GRIK1: variants seen among roughly 807,000 people sequenced by gnomAD.
The protein encoded by GRIK1 is glutamate ionotropic receptor kainate type subunit 1, also known as glutamate receptor ionotropic, kainate 1.
Under a neutral mutation model 105.7 loss-of-function variants are expected in GRIK1, and 69 were observed. The observed-to-expected ratio is 0.65, with a 90% CI of 0.54 to 0.80. The LOEUF (loss-of-function observed/expected upper bound fraction) is 0.80. Among genes scored for constraint, GRIK1 ranks in the 30% least tolerant of loss-of-function variants. GRIK1 has a pLI of 0.00. For synonymous variants in GRIK1, 438 were observed against 431.3 expected (o/e 1.02, Z -0.19); for missense variants, 1,109 against 1,167.3 (o/e 0.95, Z 0.73).
chr21:29,831,044 T>C (rs964964468), intron 1 of GRIK1, among the ~76,000 whole-genome samples: 7 of 152,128 alleles, frequency 4.6e-5, no homozygotes, highest in African/African-American at 7.2e-5. Context: ...ATGGTGAAAA[T>C]CTGCTCATTT....
intron 1 of GRIK1, among the ~76,000 whole-genome samples, chr21:29,715,440 C>A (rs1177760806): frequency 6.6e-6 from 1 of 151,866 alleles, no homozygotes; most frequent in Non-Finnish European, 1.5e-5. Flanking sequence ...TAAACTTGTG[C>A]CAAAATATTT....
At chr21:29,858,299 A>G (rs1265400053) in intron 1 of GRIK1, among the ~76,000 whole-genome samples, 1 of 152,168 alleles carries the variant, frequency 6.6e-6, no homozygotes, top group African/African-American at 2.4e-5. Flanking sequence ...CCACTCAGAG[A>G]AGGCTGGATT....
Position 29,596,587 on chromosome 21 carries a change from AAAAAT to A in GRIK1, c.1207-22_1207-18del, listed in dbSNP as rs1162112686. The A allele has an allele frequency of 6.3e-7, 1 of 1,591,150 alleles. No individual in the cohort carries two copies. On this transcript the variant is annotated intron_variant, in intron 8 of 17. Transcript: ENST00000327783. Reference sequence around the variant, plus strand: ...GCCAGCAGCCTTGGTTTTCAGAGAGAAAAATAAAATAAAAACAGCACTTAATTAAA... The same window carrying A: ...GCCAGCAGCCTTGGTTTTCAGAGAGAAAAATAAAAACAGCACTTAATTAAA...
At chr21:29,846,967 T>G (rs895778196) in intron 1 of GRIK1, among the ~76,000 whole-genome samples, 11 of 152,204 alleles carry the variant, frequency 7.2e-5, no homozygotes, top group Non-Finnish European at 1.3e-4. Flanking sequence ...TTCATATATA[T>G]TTGAGTAACA....
intron 1 of GRIK1, among the ~76,000 whole-genome samples, chr21:29,694,875 T>C (rs931961962): frequency 6.6e-6 from 1 of 152,228 alleles, no homozygotes; most frequent in Admixed American, 6.5e-5. Context: ...AAAATGTCCT[T>C]TTTTGTGCTT....
At chr21:29,759,236 G>A (rs1037124208) in intron 1 of GRIK1, among the ~76,000 whole-genome samples, 1 of 151,328 alleles carries the variant, frequency 6.6e-6, no homozygotes, top group African/African-American at 2.4e-5. Context: ...TCCTGCCTCA[G>A]CCTCCCGAGT....
chr21:29,636,843 A>G (rs1185111095), intron 7 of GRIK1, among the ~76,000 whole-genome samples: 1 of 151,936 alleles, frequency 6.6e-6, no homozygotes, highest in Admixed American at 6.6e-5. Context: ...CTTTTTTTTT[A>G]TATCAATTAT....
At chr21:29,579,672 C>T (rs1178882671) in intron 13 of GRIK1, among the ~76,000 whole-genome samples, 5 of 152,190 alleles carry the variant, frequency 3.3e-5, no homozygotes, top group Admixed American at 6.5e-5. Flanking sequence ...TCACAAGTAC[C>T]TCAAGTTTGT....
intron 1 of GRIK1, among the ~76,000 whole-genome samples, chr21:29,786,222 T>A (rs1279900425): frequency 1.3e-5 from 2 of 152,136 alleles, no homozygotes; most frequent in Non-Finnish European, 2.9e-5. Flanking sequence ...CTCTTGACCC[T>A]GTGATCCGCC....
intron 1 of GRIK1, among the ~76,000 whole-genome samples, chr21:29,733,392 T>C (rs187052461): frequency 1.3e-5 from 2 of 152,264 alleles, no homozygotes; most frequent in East Asian, 3.9e-4. Flanking sequence ...TGCTATATTC[T>C]AGCTATATGA....
At chr21:29,690,608 G>T (rs1368056199) in intron 2 of GRIK1, among the ~76,000 whole-genome samples, 1 of 152,216 alleles carries the variant, frequency 6.6e-6, no homozygotes, top group East Asian at 1.9e-4. Context: ...TCATTTCATA[G>T]ACAATGAAGA....
chr21:29,597,853 A>G (rs528246274), intron 8 of GRIK1, among the ~76,000 whole-genome samples: 1 of 152,224 alleles, frequency 6.6e-6, no homozygotes, highest in East Asian at 1.9e-4. Context: ...AGCACCTGCA[A>G]AAAAAATGTG....
intron 6 of GRIK1, among the ~76,000 whole-genome samples, chr21:29,650,621 A>G (rs1244756279): frequency 2.6e-5 from 4 of 152,194 alleles, no homozygotes; most frequent in Admixed American, 2.0e-4. Context: ...GGTGTTAAAC[A>G]CTGTCAGTTC....
intron 1 of GRIK1, among the ~76,000 whole-genome samples, chr21:29,779,914 G>GA (rs774842144): frequency 6.6e-5 from 10 of 151,620 alleles, no homozygotes; most frequent in Non-Finnish European, 1.3e-4. Context: ...CAAGTGCAAA[G>GA]AAAAAAAACC....
intron 1 of GRIK1, among the ~76,000 whole-genome samples, chr21:29,719,265 A>AT (rs1211565928): frequency 5.3e-5 from 8 of 151,330 alleles, no homozygotes; most frequent in Non-Finnish European, 1.0e-4. Context: ...TCTAGATGAA[A>AT]TTTTTTTCCT....
intron 4 of GRIK1, among the ~76,000 whole-genome samples, chr21:29,658,293 A>T (rs1272438890): frequency 1.3e-5 from 2 of 151,992 alleles, no homozygotes; most frequent in Non-Finnish European, 2.9e-5. Context: ...AAAGAGTCTC[A>T]TTCTGTCGCC....
At chr21:29,627,070 A>G (rs1348633764) in intron 7 of GRIK1, among the ~76,000 whole-genome samples, 1 of 152,242 alleles carries the variant, frequency 6.6e-6, no homozygotes, top group East Asian at 1.9e-4. Context: ...GGGTTCCTGT[A>G]GAGGACTACT....
chr21:29,805,038 T>C (rs1056475419), intron 1 of GRIK1, among the ~76,000 whole-genome samples: 2 of 152,142 alleles, frequency 1.3e-5, no homozygotes, highest in African/African-American at 2.4e-5. Context: ...TATTTGTTTT[T>C]CCTTTTCCTT....
intron 16 of GRIK1, chr21:29,553,527 C>A: frequency 2.0e-6 from 3 of 1,491,520 alleles, no homozygotes; most frequent in South Asian, 1.3e-5. Context: ...TTCTACTGGG[C>A]ACATCTTTTT....
Sources: allele counts gnomAD v4.1 joint callset (sites outside exome capture counted in the v4.1 genomes callset), GRCh38; gene constraint gnomAD v4.1.1; transcripts MANE v1.5; gene names NCBI Gene and HGNC (gene_info 2026-07-23, HGNC 2026-07-21).